Variants in KCNIP1 observed in about 807,000 individuals in gnomAD.
The protein encoded by KCNIP1 is potassium voltage-gated channel interacting protein 1, also known as A-type potassium channel modulatory protein KCNIP1.
In KCNIP1, 18 loss-of-function variants were observed where a neutral mutation model predicts 33.0. The observed-to-expected ratio is 0.55, with a 90% confidence interval of 0.38 to 0.81. KCNIP1 has a LOEUF of 0.81. KCNIP1 is among the 30% of genes least tolerant of loss of function. The pLI is 0.00. For missense variants in KCNIP1, 238 were observed against 271.6 expected (o/e 0.88, Z 0.87); for synonymous variants, 93 against 98.3 (o/e 0.95, Z 0.32).
Position 170,577,461 on chromosome 5 carries a change from T to G in KCNIP1, c.61+72828T>G, listed in dbSNP as rs564643862. On this transcript the variant is annotated intron_variant, in intron 1 of 7. Coordinates refer to ENST00000328939, the MANE Select transcript of KCNIP1 (RefSeq NM_014592.4). ...AAGCTGGAGCGGATGAGAAATCCAT[T>G]TATGCGTCTGTTGCGTGTGAATGTC... Among the ~76,000 whole-genome samples, 5 of 152,364 alleles carry G rather than the reference T, an allele frequency of 3.3e-5. No individual in the cohort carries two copies. The South Asian group carries it at 6.2e-4, about 19-fold the overall frequency.
chr5:170,600,907 A>G (rs1370542470), intron 1 of KCNIP1, among the ~76,000 whole-genome samples: 2 of 152,240 alleles, frequency 1.3e-5, no homozygotes, highest in Non-Finnish European at 2.9e-5. Flanking sequence ...TGCAGCAAGC[A>G]GATGGCCAAT....
intron 1 of KCNIP1, among the ~76,000 whole-genome samples, chr5:170,551,098 C>CT (rs1426863198): frequency 1.3e-5 from 2 of 152,294 alleles, no homozygotes; most frequent in East Asian, 3.9e-4. Context: ...CACTTTTACA[C>CT]TTTTATGCCT....
rs191299671 is a variant in KCNIP1, at chr5:170,495,669, G to A, written c.88+141705G>A. Reference sequence around the variant, plus strand: ...TCCAACCAGTCACATATTCTTCCAGGCCTTTCATCTCAAAATCCAAGATGT... The same window carrying A: ...TCCAACCAGTCACATATTCTTCCAGACCTTTCATCTCAAAATCCAAGATGT... On this transcript the variant is annotated intron_variant, in intron 1 of 7. Transcript: ENST00000377360. Among the ~76,000 whole-genome samples the A allele has an allele frequency of 1.0e-3, 158 of 152,284 alleles. 2 individuals carry two copies. The highest frequency in any genetic ancestry group is 1.5e-3 in the Non-Finnish European group (103 of 68,028).
intron 1 of KCNIP1, among the ~76,000 whole-genome samples, chr5:170,563,571 C>CAAA (rs1002230800): frequency 6.6e-6 from 1 of 152,126 alleles, no homozygotes; most frequent in Admixed American, 6.5e-5. Context: ...TGTAAGAATG[C>CAAA]AAAGTCATAA....
At chr5:170,537,268 AC>A (rs1756025339) in intron 1 of KCNIP1, among the ~76,000 whole-genome samples, 1 of 152,226 alleles carries the variant, frequency 6.6e-6, no homozygotes, top group Non-Finnish European at 1.5e-5. Flanking sequence ...GTGACCTCGG[AC>A]AAGTCACCTT....
At chr5:170,436,866 T>C (rs962148699) in intron 1 of KCNIP1, among the ~76,000 whole-genome samples, 1 of 152,136 alleles carries the variant, frequency 6.6e-6, no homozygotes, top group Non-Finnish European at 1.5e-5. Flanking sequence ...GTTTTAAAAG[T>C]GCATCTGTAG....
chr5:170,427,910 G>A (rs1755648836), intron 1 of KCNIP1, among the ~76,000 whole-genome samples: 2 of 152,208 alleles, frequency 1.3e-5, no homozygotes, highest in Non-Finnish European at 2.9e-5. Context: ...GAGGCCTATG[G>A]GTTAACTTCA....
rs112054868 is a variant in KCNIP1 at position 170,558,987 on chromosome 5, CTCTCTGT to C, written c.61+54360_61+54366del. On this transcript the variant is annotated intron_variant, in intron 1 of 7. Coordinates refer to ENST00000328939, the MANE Select transcript of KCNIP1 (RefSeq NM_014592.4). The stretch of plus-strand genomic sequence containing the variant: ...AAGAGGATCAAAAAAAGATAATGTT[CTCTCTGT>C]TCTCTTCCAACCGAGGCAGGCATCT... Among the ~76,000 whole-genome samples the C allele has an allele frequency of 4.2e-3, 633 of 152,306 alleles. 6 individuals carry two copies. The highest frequency in any genetic ancestry group is 0.014 in the African/African-American group (565 of 41,560).
chr5:170,647,180 T>C (rs1760819492), intron 1 of KCNIP1, among the ~76,000 whole-genome samples: 1 of 152,218 alleles, frequency 6.6e-6, no homozygotes. Context: ...TTATCAGTTC[T>C]TTCCAACTTC....
At chr5:170,558,855 T>C (rs762811463) in intron 1 of KCNIP1, among the ~76,000 whole-genome samples, 4 of 152,096 alleles carry the variant, frequency 2.6e-5, no homozygotes, top group Non-Finnish European at 5.9e-5. Flanking sequence ...AACCCAGAAA[T>C]TGCCAATTGA....
At chr5:170,473,262 A>T (rs991515720) in intron 1 of KCNIP1, among the ~76,000 whole-genome samples, 1 of 152,212 alleles carries the variant, frequency 6.6e-6, no homozygotes, top group African/African-American at 2.4e-5. Context: ...ACATTTATTA[A>T]GTGCTTTGCA....
At chr5:170,544,743 T>A (rs1315471969) in intron 1 of KCNIP1, among the ~76,000 whole-genome samples, 1 of 152,120 alleles carries the variant, frequency 6.6e-6, no homozygotes, top group Non-Finnish European at 1.5e-5. Context: ...GAAGTTTTAA[T>A]ATATATATTT....
intron 1 of KCNIP1, among the ~76,000 whole-genome samples, chr5:170,605,478 G>T (rs555578696): frequency 7.8e-4 from 119 of 152,262 alleles, no homozygotes; most frequent in East Asian, 9.6e-4. Flanking sequence ...CAATTCAGTG[G>T]CATTAATTAC....
intron 1 of KCNIP1, chr5:170,353,980 T>C (rs1163415758): frequency 1.2e-6 from 2 of 1,611,014 alleles, no homozygotes; most frequent in Non-Finnish European, 1.7e-6. Flanking sequence ...GAAACTGGCC[T>C]TGACCCTTGC....
chr5:170,529,613 G>A (rs540554434), intron 1 of KCNIP1, among the ~76,000 whole-genome samples: 1 of 152,344 alleles, frequency 6.6e-6, no homozygotes, highest in South Asian at 2.1e-4. Context: ...GGATTATGAG[G>A]AGTTCGAGCT....
intron 1 of KCNIP1, among the ~76,000 whole-genome samples, chr5:170,592,006 C>A (rs192897936): frequency 6.6e-5 from 10 of 152,128 alleles, no homozygotes; most frequent in African/African-American, 2.2e-4. Flanking sequence ...ATTTTTAATT[C>A]TTTTAGGAAC....
At chr5:170,633,065 T>A in intron 1 of KCNIP1, among the ~76,000 whole-genome samples, 1 of 151,928 alleles carries the variant, frequency 6.6e-6, no homozygotes, top group East Asian at 1.9e-4. Flanking sequence ...AGAAAGGACA[T>A]CCTCCTTTGA....
intron 1 of KCNIP1, among the ~76,000 whole-genome samples, chr5:170,369,043 C>G (rs1362217080): frequency 6.6e-6 from 1 of 152,170 alleles, no homozygotes; most frequent in Non-Finnish European, 1.5e-5. Context: ...GGGAGGCATG[C>G]TTACAATTTG....
intron 1 of KCNIP1, among the ~76,000 whole-genome samples, chr5:170,520,703 A>G (rs1581267436): frequency 6.6e-6 from 1 of 151,952 alleles, no homozygotes. Flanking sequence ...CTGGAGATAA[A>G]CCCTCCTCAC....
Sources: allele counts gnomAD v4.1 joint callset (sites outside exome capture counted in the v4.1 genomes callset), GRCh38; gene constraint gnomAD v4.1.1; transcripts MANE v1.5; gene names NCBI Gene and HGNC (gene_info 2026-07-23, HGNC 2026-07-21).